The following DNAJB1 variants were observed in gnomAD, a reference collection of about 807,000 sequenced individuals.
The protein encoded by DNAJB1 is DnaJ heat shock protein family (Hsp40) member B1, also known as dnaJ homolog subfamily B member 1.
Under a neutral mutation model 24.0 loss-of-function variants are expected in DNAJB1, and 14 were observed. The ratio of observed to expected loss-of-function variants is 0.58; its 90% CI spans 0.39 to 0.91. The LOEUF (loss-of-function observed/expected upper bound fraction) is 0.91. DNAJB1 is among the 40% of genes least tolerant of loss of function. The pLI is 0.00. For synonymous variants in DNAJB1, 262 were observed against 174.4 expected, an observed-to-expected ratio of 1.50 and a Z score of -3.96; for missense variants, 517 against 458.1, an observed-to-expected ratio of 1.13 and a Z score of -1.17.
upstream of DNAJB1, chr19:14,529,589 G>C: frequency 6.4e-7 from 1 of 1,562,678 alleles, no homozygotes; most frequent in Admixed American, 1.7e-5. Flanking sequence ...CGGACGCAGA[G>C]CCGCGTTTAG....
At chr19:14,555,502 G>C (rs2073691439) in intron 1 of DNAJB1, among the ~76,000 whole-genome samples, 1 of 140,342 alleles carries the variant, frequency 7.1e-6, no homozygotes, top group South Asian at 2.2e-4. Context: ...CTGGAGTGCA[G>C]TGGTGCAATC....
chr19:14,523,484 T>C (rs1409249931), intron 2 of DNAJB1, among the ~76,000 whole-genome samples: 1 of 151,706 alleles, frequency 6.6e-6, no homozygotes, highest in Non-Finnish European at 1.5e-5. Context: ...TGGCTAATTT[T>C]TGTATTTTTA....
Position 14,516,484 on chromosome 19 carries a change from G to A in DNAJB1, c.774C>T (p.Ala258=), listed in dbSNP as rs774639539. The A allele has an allele frequency of 6.2e-7, 1 of 1,612,226 alleles. No individual in the cohort carries two copies. Among genetic ancestry groups the A allele is most frequent in the Non-Finnish European group, 8.5e-7 (1 of 1,178,342 alleles). ...KRDGSDVIYP[A]RISLREALCG... ...ACCTTACCTCCCGGAGGCTGATCCT[G>A]GCAGGATAAATGACATCAGAGCCAT... The change falls in exon 2 of 3, where the codon GCC becomes GCT. Residue 258 remains alanine, a synonymous_variant. Coordinates refer to ENST00000254322, the MANE Select transcript of DNAJB1 (RefSeq NM_006145.3).
chr19:14,555,333 C>T (rs1460164284), upstream of DNAJB1, among the ~76,000 whole-genome samples: 1 of 151,434 alleles, frequency 6.6e-6, no homozygotes, highest in Admixed American at 6.6e-5. Flanking sequence ...ACTGCAACCT[C>T]TGCCTCCTGG....
intron 1 of DNAJB1, among the ~76,000 whole-genome samples, chr19:14,548,633 G>A (rs562050059): frequency 2.0e-4 from 30 of 152,048 alleles, no homozygotes; most frequent in South Asian, 1.1e-3. Flanking sequence ...GCTGGAGTGC[G>A]GTGGTGCGAT....
intron 1 of DNAJB1, among the ~76,000 whole-genome samples, chr19:14,549,465 C>T (rs1270754471): frequency 6.6e-6 from 1 of 151,910 alleles, no homozygotes; most frequent in Non-Finnish European, 1.5e-5. Context: ...TGTGATCTGC[C>T]CTCCTTGGCC....
chr19:14,534,549 C>T (rs141762639), upstream of DNAJB1, among the ~76,000 whole-genome samples: 1,349 of 148,672 alleles, frequency 9.1e-3, 18 homozygotes, highest in African/African-American at 0.032. Flanking sequence ...GATTTTCCTG[C>T]CTCAGCCTCC....
upstream of DNAJB1, chr19:14,533,881 C>T (rs1393141115): frequency 6.6e-6 from 1 of 152,120 alleles, no homozygotes; most frequent in East Asian, 1.9e-4. Context: ...TCCTAGGATA[C>T]AGTATTTTTT....
intron 1 of DNAJB1, among the ~76,000 whole-genome samples, chr19:14,545,502 C>T (rs1422562206): frequency 7.2e-5 from 11 of 152,166 alleles, no homozygotes. Flanking sequence ...CACCAGCAAG[C>T]CTAGGGGGTG....
chr19:14,522,683 G>GACACACACACACACAC (rs56121204), upstream of DNAJB1, among the ~76,000 whole-genome samples: 19 of 117,876 alleles, frequency 1.6e-4, no homozygotes, highest in East Asian at 9.4e-4. Flanking sequence ...CACACACACA[G>GACACACACACACACAC]ACACACACAC....
At chr19:14,543,419 ATTTTTTTTTTT>A (rs1169742953) in intron 1 of DNAJB1, among the ~76,000 whole-genome samples, 376 of 21,390 alleles carry the variant, frequency 0.018, 6 homozygotes, top group East Asian at 0.024. Context: ...ATATATATAT[ATTTTTTTTTTT>A]TTTTTTTTTT....
At chr19:14,535,779 G>GAAA (rs1555729629) in intron 1 of DNAJB1, among the ~76,000 whole-genome samples, 3 of 114,362 alleles carry the variant, frequency 2.6e-5, no homozygotes, top group Non-Finnish European at 3.9e-5. Flanking sequence ...AAAAAAAAAG[G>GAAA]GAAAGTGGTG....
chr19:14,549,080 AG>A (rs1568412486), intron 1 of DNAJB1, among the ~76,000 whole-genome samples: 1 of 152,130 alleles, frequency 6.6e-6, no homozygotes, highest in Non-Finnish European at 1.5e-5. Flanking sequence ...ATAAAACAAA[AG>A]TTAAAGCCAT....
chr19:14,516,256 C>T (rs990926829), intron 2 of DNAJB1, 86 bp from the exon 3 acceptor site: 158 of 1,466,946 alleles, frequency 1.1e-4, no homozygotes, highest in South Asian at 1.4e-4. Context: ...TAGATAAGAC[C>T]CATCAGGCCT....
At chr19:14,522,790 A>G (rs1041191626), upstream of DNAJB1, among the ~76,000 whole-genome samples, 2 of 151,898 alleles carry the variant, frequency 1.3e-5, no homozygotes, top group African/African-American at 4.8e-5. Flanking sequence ...GGAACTATGC[A>G]AGTGAGTCTG....
intron 1 of DNAJB1, among the ~76,000 whole-genome samples, chr19:14,548,545 T>C (rs558637912): frequency 1.3e-5 from 2 of 152,306 alleles, no homozygotes; most frequent in Middle Eastern, 3.4e-3. Context: ...AGGCTTTGCC[T>C]AAGGGTCTCT....
rs145348098 is a variant in DNAJB1 at position 14,559,910 on chromosome 19, G to A, written c.-2166+121C>T. Among the ~76,000 whole-genome samples, 125 of 152,342 alleles carry A rather than the reference G, an allele frequency of 8.2e-4. 1 individual carries two copies. The highest frequency in any genetic ancestry group is 1.5e-3 in the Non-Finnish European group (100 of 68,032). ...AGATGGCCGACGAGCTGGGGATTTG[G>A]GGCAGGAAATGGGAGACGGACGGCC... On this transcript the variant is annotated intron_variant, in intron 1 of 5. Transcript: ENST00000679223.
intron 1 of DNAJB1, among the ~76,000 whole-genome samples, chr19:14,548,002 C>G (rs1346850452): frequency 7.1e-6 from 1 of 141,294 alleles, no homozygotes; most frequent in East Asian, 2.1e-4. Context: ...CTCGCTCTGT[C>G]ACCCAGGCTG....
chr19:14,553,838 G>T (rs1331285220), upstream of DNAJB1, among the ~76,000 whole-genome samples: 1 of 152,150 alleles, frequency 6.6e-6, no homozygotes, highest in East Asian at 1.9e-4. Context: ...GCCCGGCGCG[G>T]GGATGGTGAG....
Sources: gnomAD v4.1 joint callset for allele counts (sites outside exome capture counted in the v4.1 genomes callset) on GRCh38, gnomAD v4.1.1 for gene constraint, MANE v1.5 for transcripts, NCBI Gene and HGNC (gene_info 2026-07-23, HGNC 2026-07-21) for gene names.